WWOX: variants seen among roughly 807,000 people sequenced by gnomAD.
WWOX encodes WW domain-containing oxidoreductase.
In WWOX, 69 loss-of-function variants were observed where a neutral mutation model predicts 46.2. The observed-to-expected ratio is 1.49, with a 90% CI of 1.23 to 1.82. WWOX has a LOEUF of 1.82. Ranked by LOEUF, WWOX falls within the 40% of genes most tolerant of loss-of-function variation. The pLI, the probability that WWOX is intolerant of heterozygous loss-of-function variation, is 0.00. For synonymous variants in WWOX, 359 were observed against 202.6 expected (o/e 1.77, Z -6.56); for missense variants, 919 against 542.6 (o/e 1.69, Z -6.89).
intron 8 of WWOX, among the ~76,000 whole-genome samples, chr16:78,946,125 A>G (rs979493261): frequency 6.6e-6 from 1 of 152,166 alleles, no homozygotes; most frequent in African/African-American, 2.4e-5. Flanking sequence ...AGTTAATTTT[A>G]CTTTAATTCC....
At chr16:78,707,900 C>G (rs954287704) in intron 8 of WWOX, among the ~76,000 whole-genome samples, 13 of 151,918 alleles carry the variant, frequency 8.6e-5, no homozygotes, top group Non-Finnish European at 1.6e-4. Context: ...GTATCTGTCC[C>G]CAAGTCACAA....
At position 78,137,900 on chromosome 16, in the gene WWOX, T is replaced by A. The variant is rs143923547; in HGVS notation, c.409+22746T>A. Among the ~76,000 whole-genome samples the A allele has an allele frequency of 1.8e-4, 27 of 150,984 alleles. No homozygotes were observed. In the East Asian group the frequency reaches 3.7e-3, roughly 20 times the overall value. On this transcript the variant is annotated intron_variant, in intron 4 of 8. Transcript: ENST00000566780. ...AAGCAGGTCTTTTTCCTTATCCGTT[T>A]AGACCTAAATCTTATCCATAGTGTG...
chr16:79,010,056 T>A lies in WWOX; in HGVS notation c.1057-201552T>A, dbSNP rs539517409. Among the ~76,000 whole-genome samples, 720 of 152,302 alleles carry A rather than the reference T, an allele frequency of 4.7e-3. 8 individuals are homozygous for A. Among genetic ancestry groups the A allele is most frequent in the African/African-American group, 0.016 (670 of 41,568 alleles). On this transcript the variant is annotated intron_variant, in intron 8 of 8. Transcript: ENST00000566780. ...ATGCCTAGAATTGAGCAAGCTGCTA[T>A]GCTTGCAAAGGCCTTGGCCAGCTGC... is the stretch of plus-strand genomic sequence containing the variant.
At chr16:78,921,489 G>C (rs1189835792) in intron 8 of WWOX, among the ~76,000 whole-genome samples, 1 of 152,188 alleles carries the variant, frequency 6.6e-6, no homozygotes, top group Non-Finnish European at 1.5e-5. Flanking sequence ...TTGAAAAAGA[G>C]ATTGCCATTT....
At chr16:78,995,177 C>T in intron 8 of WWOX, among the ~76,000 whole-genome samples, 1 of 151,980 alleles carries the variant, frequency 6.6e-6, no homozygotes, top group Non-Finnish European at 1.5e-5. Flanking sequence ...AAGTATCTTC[C>T]AAGCTCAGCT....
In WWOX at chr16:78,349,989, C is replaced by T. The variant is rs1436182002; in HGVS notation, c.517-36871C>T. Among the ~76,000 whole-genome samples, 2 of 121,328 alleles carry T rather than the reference C, an allele frequency of 1.6e-5. 1 individual carries two copies. The highest frequency in any genetic ancestry group is 5.6e-5 in the African/African-American group (2 of 35,816). 79.6% of individuals were successfully genotyped at this position (121,328 alleles called of 152,430 possible). On this transcript the variant is annotated intron_variant, in intron 5 of 8. Coordinates refer to ENST00000566780, the MANE Select transcript of WWOX (RefSeq NM_016373.4). ...TACCATACATATGCCTGCATTTGTA[C>T]ACTCTTAAGCCAAATAACATCGTAC...
At chr16:78,625,786 C>G (rs1169089485) in intron 8 of WWOX, among the ~76,000 whole-genome samples, 1 of 123,326 alleles carries the variant, frequency 8.1e-6, no homozygotes, top group East Asian at 2.3e-4. Flanking sequence ...TTTGCCAGTA[C>G]TTAAAAGTAA....
chr16:78,747,882 C>T (rs1002621091), intron 8 of WWOX, among the ~76,000 whole-genome samples: 1 of 152,134 alleles, frequency 6.6e-6, no homozygotes, highest in Admixed American at 6.6e-5. Context: ...TCAGTTTTTC[C>T]ACCTGTCAGT....
intron 5 of WWOX, among the ~76,000 whole-genome samples, chr16:78,174,029 C>G (rs1473907604): frequency 2.0e-5 from 3 of 152,046 alleles, no homozygotes; most frequent in African/African-American, 7.2e-5. Context: ...CATGAGGATT[C>G]CACTCTCATC....
chr16:78,874,246 ACT>A (rs2044188185), intron 8 of WWOX, among the ~76,000 whole-genome samples: 1 of 138,350 alleles, frequency 7.2e-6, no homozygotes, highest in South Asian at 2.4e-4. Context: ...ACAGAGCGAG[ACT>A]CTGTCTCAAA....
At chr16:78,913,846 A>G (rs2045175795) in intron 8 of WWOX, among the ~76,000 whole-genome samples, 1 of 151,786 alleles carries the variant, frequency 6.6e-6, no homozygotes, top group South Asian at 2.1e-4. Flanking sequence ...TTTTTTGTAG[A>G]TACGGGGTCT....
In WWOX at chr16:78,533,551, C is replaced by T. The variant is rs146343578; in HGVS notation, c.1056+100799C>T. Reference sequence around the variant, plus strand: ...GGACAAGCTTAGTCTACAGGTTCTTCAAGAGGGGCTTGAGCATTTGAAAGA... The same window carrying T: ...GGACAAGCTTAGTCTACAGGTTCTTTAAGAGGGGCTTGAGCATTTGAAAGA... On this transcript the variant is annotated intron_variant, in intron 8 of 8. Coordinates refer to ENST00000566780, the MANE Select transcript of WWOX (RefSeq NM_016373.4). Among the ~76,000 whole-genome samples the T allele has an allele frequency of 4.6e-5, 7 of 152,298 alleles. No homozygotes were observed. The East Asian group carries it at 1.4e-3, about 29-fold the overall frequency.
At chr16:78,303,360 G>C (rs1381793547) in intron 5 of WWOX, among the ~76,000 whole-genome samples, 1 of 152,134 alleles carries the variant, frequency 6.6e-6, no homozygotes, top group Non-Finnish European at 1.5e-5. Context: ...TTAGGTACCA[G>C]CCTTGGTTGA....
chr16:78,482,838 G>A (rs1353718170), intron 8 of WWOX, among the ~76,000 whole-genome samples: 2 of 152,142 alleles, frequency 1.3e-5, no homozygotes, highest in African/African-American at 2.4e-5. Flanking sequence ...TCACTCATCT[G>A]CCTTCCTGTG....
At chr16:78,490,133 AT>A (rs1555548515) in intron 8 of WWOX, among the ~76,000 whole-genome samples, 40 of 141,060 alleles carry the variant, frequency 2.8e-4, no homozygotes, top group Admixed American at 3.6e-4. Flanking sequence ...TGGGGAAAAA[AT>A]TTTTTTTTTT....
chr16:78,141,996 T>C (rs2034005606), intron 4 of WWOX, among the ~76,000 whole-genome samples: 1 of 38,956 alleles, frequency 2.6e-5, no homozygotes, highest in South Asian at 8.0e-4. Context: ...TAAATTTCTT[T>C]TTTTTTTTTT....
Position 78,604,558 on chromosome 16 carries a change from G to A in WWOX, c.1056+171806G>A, listed in dbSNP as rs114216527. Among the ~76,000 whole-genome samples, 1,261 of 152,168 alleles carry A rather than the reference G, an allele frequency of 8.3e-3. 16 individuals are homozygous for A. The highest frequency in any genetic ancestry group is 0.029 in the African/African-American group (1,187 of 41,504). ...AAATAGTGAGTTTTTCATGAGCTAC[G>A]TTGTATCAATTTTAAAGTATTTCTT... On this transcript the variant is annotated intron_variant, in intron 8 of 8. Transcript: ENST00000566780.
chr16:79,161,170 C>G (rs1288074378), intron 8 of WWOX, among the ~76,000 whole-genome samples: 1 of 152,158 alleles, frequency 6.6e-6, no homozygotes, highest in Non-Finnish European at 1.5e-5. Flanking sequence ...GGATAGAAGG[C>G]AAAGACAAGT....
chr16:79,040,393 G>A (rs577706563), intron 8 of WWOX, among the ~76,000 whole-genome samples: 1 of 150,976 alleles, frequency 6.6e-6, no homozygotes, highest in African/African-American at 2.4e-5. Flanking sequence ...TCCTGCCTCA[G>A]CCTCATGAGC....
Sources: gnomAD v4.1 joint callset for allele counts (sites outside exome capture counted in the v4.1 genomes callset) on GRCh38, gnomAD v4.1.1 for gene constraint, MANE v1.5 for transcripts, NCBI Gene and HGNC (gene_info 2026-07-23, HGNC 2026-07-21) for gene names.